CNTN4: variants seen among roughly 807,000 people sequenced by gnomAD.
CNTN4 encodes contactin-4.
Under a neutral mutation model 122.5 loss-of-function variants are expected in CNTN4, and 77 were observed. The ratio of observed to expected loss-of-function variants is 0.63; its 90% CI spans 0.52 to 0.76. CNTN4 has a LOEUF of 0.76. CNTN4 is among the 30% of genes least tolerant of loss of function. The probability of loss-of-function intolerance (pLI) is 0.00; values close to 1 mark genes in which losing one functional copy is unlikely to be tolerated. For missense variants in CNTN4, 1,256 were observed against 1,259.1 expected, an observed-to-expected ratio of 1.00 and a Z score of 0.04; for synonymous variants, 512 against 447.0, an observed-to-expected ratio of 1.15 and a Z score of -1.83.
chr3:2,836,452 C>T (rs148893544), intron 7 of CNTN4, among the ~76,000 whole-genome samples: 116 of 152,164 alleles, frequency 7.6e-4, no homozygotes, highest in African/African-American at 2.1e-3. Flanking sequence ...GTGGGTAATA[C>T]ATGTAGGCAC....
At chr3:2,512,244 T>C (rs542590003) in intron 3 of CNTN4, among the ~76,000 whole-genome samples, 2 of 149,690 alleles carry the variant, frequency 1.3e-5, no homozygotes, top group East Asian at 3.9e-4. Context: ...GTTTGGAATA[T>C]TTGCAAATAT....
chr3:2,288,089 T>G (rs1445811377), intron 2 of CNTN4, among the ~76,000 whole-genome samples: 2 of 152,134 alleles, frequency 1.3e-5, no homozygotes, highest in African/African-American at 4.8e-5. Context: ...GAAAATAAAT[T>G]AGAATAGATA....
chr3:2,870,917 A>G (rs1046430284), intron 8 of CNTN4, among the ~76,000 whole-genome samples: 1 of 152,160 alleles, frequency 6.6e-6, no homozygotes, highest in African/African-American at 2.4e-5. Context: ...CTCAGTTCCT[A>G]ATACAAATGA....
intron 14 of CNTN4, among the ~76,000 whole-genome samples, chr3:3,008,620 A>G (rs1211286458): frequency 6.6e-6 from 1 of 152,182 alleles, no homozygotes; most frequent in Admixed American, 6.5e-5. Flanking sequence ...CCACCTCCCT[A>G]AGTCGTTCCG....
chr3:3,032,124 A>G (rs941323412), intron 16 of CNTN4, among the ~76,000 whole-genome samples: 7 of 152,214 alleles, frequency 4.6e-5, no homozygotes, highest in African/African-American at 1.7e-4. Context: ...AACTTTCAGC[A>G]ACAGTGCAGA....
intron 3 of CNTN4, among the ~76,000 whole-genome samples, chr3:2,400,560 A>G (rs1286847677): frequency 1.3e-5 from 2 of 149,582 alleles, no homozygotes; most frequent in Admixed American, 6.7e-5. Flanking sequence ...GTAGATACTT[A>G]AGTAAACAAT....
intron 4 of CNTN4, among the ~76,000 whole-genome samples, chr3:2,689,625 A>T (rs1241159437): frequency 6.6e-6 from 1 of 152,170 alleles, no homozygotes; most frequent in Non-Finnish European, 1.5e-5. Flanking sequence ...ACCAGAAAGC[A>T]ATTAATCTGC....
chr3:2,300,621 G>C (rs975490099), intron 2 of CNTN4, among the ~76,000 whole-genome samples: 5 of 139,336 alleles, frequency 3.6e-5, no homozygotes, highest in Non-Finnish European at 6.1e-5. Context: ...CTCCAGGCTG[G>C]AGTGCAGTGG....
At chr3:2,918,202 A>G (rs1205649290) in intron 12 of CNTN4, among the ~76,000 whole-genome samples, 1 of 152,214 alleles carries the variant, frequency 6.6e-6, no homozygotes, top group African/African-American at 2.4e-5. Context: ...ACATTGTAAT[A>G]TGGTTCTGGT....
chr3:2,390,054 G>T (rs964238113), intron 3 of CNTN4, among the ~76,000 whole-genome samples: 2 of 152,012 alleles, frequency 1.3e-5, no homozygotes, highest in South Asian at 2.1e-4. Flanking sequence ...TATGAATAGG[G>T]TGTTTACATA....
chr3:3,049,954 C>G (rs1701084913), intron 23 of CNTN4, among the ~76,000 whole-genome samples: 2 of 152,168 alleles, frequency 1.3e-5, no homozygotes, highest in Non-Finnish European at 2.9e-5. Context: ...TTTGTAGAGT[C>G]TTACTCAGGA....
intron 2 of CNTN4, among the ~76,000 whole-genome samples, chr3:2,316,852 C>G (rs571584220): frequency 7.2e-5 from 11 of 152,128 alleles, no homozygotes; most frequent in Non-Finnish European, 1.6e-4. Flanking sequence ...CCATGGTTTT[C>G]TTTAAAATGC....
intron 2 of CNTN4, among the ~76,000 whole-genome samples, chr3:2,185,522 TA>T (rs2037212504): frequency 6.6e-6 from 1 of 152,132 alleles, no homozygotes; most frequent in Non-Finnish European, 1.5e-5. Flanking sequence ...AGTGGATCTA[TA>T]AAACATGGGA....
At chr3:2,895,381 C>G (rs750701166) in intron 10 of CNTN4, among the ~76,000 whole-genome samples, 1 of 152,184 alleles carries the variant, frequency 6.6e-6, no homozygotes, top group Non-Finnish European at 1.5e-5. Flanking sequence ...AGAAATCTTA[C>G]TTGTTATCTC....
At chr3:2,666,602 T>C (rs746529713) in intron 4 of CNTN4, among the ~76,000 whole-genome samples, 1 of 121,526 alleles carries the variant, frequency 8.2e-6, no homozygotes, top group Non-Finnish European at 1.8e-5. Flanking sequence ...TTATTTTTAT[T>C]TTTTATTATA....
At chr3:2,245,558 C>G (rs2040112554) in intron 2 of CNTN4, among the ~76,000 whole-genome samples, 2 of 151,936 alleles carry the variant, frequency 1.3e-5, no homozygotes. Flanking sequence ...TGCAACTATT[C>G]TTCAGAAGTA....
At chr3:2,281,983 C>T (rs2041732200) in intron 2 of CNTN4, among the ~76,000 whole-genome samples, 1 of 152,010 alleles carries the variant, frequency 6.6e-6, no homozygotes, top group Non-Finnish European at 1.5e-5. Context: ...CTCCAATAGC[C>T]ACTCTTTTTT....
intron 2 of CNTN4, among the ~76,000 whole-genome samples, chr3:2,267,164 G>A (rs1461244942): frequency 6.6e-6 from 1 of 152,050 alleles, no homozygotes; most frequent in Non-Finnish European, 1.5e-5. Flanking sequence ...ACTTACGATT[G>A]TGGTGTGTAG....
intron 2 of CNTN4, among the ~76,000 whole-genome samples, chr3:2,176,291 A>G (rs2036745159): frequency 1.3e-5 from 2 of 152,190 alleles, no homozygotes; most frequent in Admixed American, 1.3e-4. Context: ...AAGGAATAGC[A>G]GAATATAAAT....
Sources: allele counts gnomAD v4.1 joint callset (sites outside exome capture counted in the v4.1 genomes callset), GRCh38; gene constraint gnomAD v4.1.1; transcripts MANE v1.5; gene names NCBI Gene and HGNC (gene_info 2026-07-23, HGNC 2026-07-21).